GRB14: variants seen among roughly 807,000 people sequenced by gnomAD.
The protein encoded by GRB14 is growth factor receptor-bound protein 14.
A neutral mutation model predicts 69.1 loss-of-function variants in GRB14; 38 were observed. The ratio of observed to expected loss-of-function variants is 0.55; its 90% CI spans 0.42 to 0.72. GRB14 has a LOEUF of 0.72. Among genes scored for constraint, GRB14 ranks in the 30% least tolerant of loss-of-function variants. The probability of loss-of-function intolerance (pLI) is 0.00; values close to 1 mark genes in which losing one functional copy is unlikely to be tolerated. For synonymous variants in GRB14, 247 were observed against 241.3 expected, an observed-to-expected ratio of 1.02 and a Z score of -0.22; for missense variants, 666 against 666.1, an observed-to-expected ratio of 1.00 and a Z score of 0.00.
At chr2:164,566,831 A>T (rs1688987470) in intron 2 of GRB14, among the ~76,000 whole-genome samples, 1 of 152,186 alleles carries the variant, frequency 6.6e-6, no homozygotes, top group Non-Finnish European at 1.5e-5. Context: ...TATTTACTGA[A>T]AACTCCTCAG....
chr2:164,577,882 C>T (rs1689290799), intron 2 of GRB14, among the ~76,000 whole-genome samples: 1 of 152,046 alleles, frequency 6.6e-6, no homozygotes, highest in African/African-American at 2.4e-5. Context: ...CATTAGACAA[C>T]TAAAAAGAAA....
chr2:164,606,929 C>T (rs1472164954), intron 2 of GRB14, among the ~76,000 whole-genome samples: 1 of 152,184 alleles, frequency 6.6e-6, no homozygotes, highest in Non-Finnish European at 1.5e-5. Context: ...AAAGCTTTTA[C>T]TGGACTCAGC....
At chr2:164,618,480 C>T (rs1690363450) in intron 2 of GRB14, among the ~76,000 whole-genome samples, 1 of 152,000 alleles carries the variant, frequency 6.6e-6, no homozygotes, top group Non-Finnish European at 1.5e-5. Flanking sequence ...AGTTACAGTC[C>T]CACCCACTTA....
At chr2:164,544,308 G>A (rs1469193660) in intron 3 of GRB14, among the ~76,000 whole-genome samples, 2 of 152,066 alleles carry the variant, frequency 1.3e-5, no homozygotes, top group African/African-American at 4.8e-5. Flanking sequence ...ATAATTTGCA[G>A]TGTTCTCAGG....
intron 6 of GRB14, among the ~76,000 whole-genome samples, chr2:164,511,813 A>T (rs1306885002): frequency 6.6e-6 from 1 of 152,094 alleles, no homozygotes; most frequent in Admixed American, 6.5e-5. Context: ...AGATGGATAG[A>T]GCACCAGGAT....
intron 3 of GRB14, among the ~76,000 whole-genome samples, chr2:164,546,610 C>G (rs760402611): frequency 2.6e-5 from 4 of 152,196 alleles, no homozygotes; most frequent in Non-Finnish European, 5.9e-5. Context: ...TTGTGAAAAA[C>G]TTTCCCCCAA....
chr2:164,505,672 A>G (rs1687169900), intron 8 of GRB14, among the ~76,000 whole-genome samples: 1 of 152,134 alleles, frequency 6.6e-6, no homozygotes, highest in Non-Finnish European at 1.5e-5. Context: ...ATGCATATAT[A>G]TGTGTATGTG....
At chr2:164,565,444 A>G (rs1346959324) in intron 2 of GRB14, among the ~76,000 whole-genome samples, 1 of 152,144 alleles carries the variant, frequency 6.6e-6, no homozygotes, top group Non-Finnish European at 1.5e-5. Context: ...CCATAAGGCA[A>G]TTTCATTTCC....
intron 2 of GRB14, among the ~76,000 whole-genome samples, chr2:164,595,884 G>A (rs186922711): frequency 6.6e-6 from 1 of 152,264 alleles, no homozygotes; most frequent in Non-Finnish European, 1.5e-5. Flanking sequence ...CCAGCACTTT[G>A]GGAGGCCAAG....
chr2:164,602,249 C>T (rs1307165789), intron 2 of GRB14, among the ~76,000 whole-genome samples: 2 of 151,846 alleles, frequency 1.3e-5, no homozygotes, highest in Non-Finnish European at 2.9e-5. Flanking sequence ...CTGCCACTTC[C>T]TATCTCTGTA....
intron 2 of GRB14, among the ~76,000 whole-genome samples, chr2:164,585,085 C>CT (rs146962375): frequency 1.8e-5 from 1 of 54,386 alleles, no homozygotes; most frequent in Admixed American, 2.8e-4. Flanking sequence ...CCATGCCTGG[C>CT]TTTTTTTTTT....
At chr2:164,496,335 G>C (rs891761560) in intron 12 of GRB14, among the ~76,000 whole-genome samples, 1 of 152,106 alleles carries the variant, frequency 6.6e-6, no homozygotes, top group African/African-American at 2.4e-5. Context: ...ATTATAGAAA[G>C]TATCTGAAAC....
At chr2:164,518,613 G>A (rs1216425047) in intron 6 of GRB14, among the ~76,000 whole-genome samples, 1 of 151,996 alleles carries the variant, frequency 6.6e-6, no homozygotes, top group Non-Finnish European at 1.5e-5. Context: ...AAAATTGATA[G>A]ACCATTAGCC....
chr2:164,550,111 C>G (rs1483250105), intron 2 of GRB14, among the ~76,000 whole-genome samples: 1 of 152,092 alleles, frequency 6.6e-6, no homozygotes, highest in African/African-American at 2.4e-5. Flanking sequence ...AATCCTTTCT[C>G]TTTTCTCCCC....
At chr2:164,612,142 G>C (rs1053941770) in intron 2 of GRB14, among the ~76,000 whole-genome samples, 5 of 152,148 alleles carry the variant, frequency 3.3e-5, no homozygotes, top group African/African-American at 1.2e-4. Context: ...TTCCACAGAA[G>C]CAATTTTAAA....
At chr2:164,497,670 C>G (rs1686939769) in intron 9 of GRB14, among the ~76,000 whole-genome samples, 180 bp from the exon 10 acceptor site, 1 of 152,012 alleles carries the variant, frequency 6.6e-6, no homozygotes, top group South Asian at 2.1e-4. Flanking sequence ...AATACATATT[C>G]AAGATATAAA....
chr2:164,620,849 C>G (rs1009691010), intron 1 of GRB14, among the ~76,000 whole-genome samples: 18 of 152,132 alleles, frequency 1.2e-4, no homozygotes, highest in Admixed American at 2.6e-4. Flanking sequence ...AGGTGATCAG[C>G]CTGCAGCCTG....
At chr2:164,582,593 G>A (rs1036565086) in intron 2 of GRB14, among the ~76,000 whole-genome samples, 4 of 151,780 alleles carry the variant, frequency 2.6e-5, no homozygotes, top group African/African-American at 4.8e-5. Flanking sequence ...GCTAATTTTC[G>A]TATTTTTAGT....
rs72872589 is a variant in GRB14 at position 164,509,176 on chromosome 2, G to A, written c.817-324C>T. 7.8e-3 allele frequency among the ~76,000 whole-genome samples: 1,188 copies of A among 152,300 alleles called. 8 individuals are homozygous for A. The highest frequency in any genetic ancestry group is 0.012 in the Non-Finnish European group (820 of 68,022). On this transcript the variant is annotated intron_variant, in intron 6 of 13. Coordinates refer to ENST00000263915, the MANE Select transcript of GRB14 (RefSeq NM_004490.3). ...AGAGAGAAAAAAGTTAGCAAAGATT[G>A]GCTTTTGGAAACGTATTCCTCATCC...
Sources: gnomAD v4.1 joint callset for allele counts (sites outside exome capture counted in the v4.1 genomes callset) on GRCh38, gnomAD v4.1.1 for gene constraint, MANE v1.5 for transcripts, NCBI Gene and HGNC (gene_info 2026-07-23, HGNC 2026-07-21) for gene names.